PALB2: variants seen among roughly 807,000 people sequenced by gnomAD.
The protein encoded by PALB2 is mutant partner and localizer of BRCA2.
Under a neutral mutation model 107.4 loss-of-function variants are expected in PALB2, and 82 were observed. The ratio of observed to expected loss-of-function variants is 0.76; its 90% confidence interval spans 0.64 to 0.92. The LOEUF is 0.92. PALB2 is among the 40% of genes least tolerant of loss of function. The pLI, the probability that PALB2 is intolerant of heterozygous loss-of-function variation, is 0.00. For synonymous variants in PALB2, 489 were observed against 496.8 expected (o/e 0.98, Z 0.21); for missense variants, 1,374 against 1,379.9 (o/e 1.00, Z 0.07).
In PALB2 at chr16:23,630,245, G is replaced by A. The variant is rs768248338; in HGVS notation, c.1909C>T (p.Pro637Ser). ...TCTCCAAACATTTTTGACTCAAAGG[G>A]CTCCACTGGTTTTTCTGAGCAGGAC... is the stretch of plus-strand genomic sequence containing the variant. ...VKSCSEKPVE[P>S]FESKMFGERH... The change falls in exon 5 of 13, where the codon CCC becomes TCC. Residue 637 changes from proline (P) to serine (S), a missense_variant. Physicochemically the swap from Pro to Ser is moderately conservative, Grantham distance 74. Coordinates refer to ENST00000261584, the MANE Select transcript of PALB2 (RefSeq NM_024675.4). 6.2e-7 allele frequency: 1 copy of A among 1,613,938 alleles called. No homozygotes were observed. Among genetic ancestry groups the A allele is most frequent in the African/African-American group, 1.3e-5 (1 of 74,898 alleles).
chr16:23,621,889 T>C (rs1966780091), intron 9 of PALB2, among the ~76,000 whole-genome samples: 1 of 152,124 alleles, frequency 6.6e-6, no homozygotes, highest in African/African-American at 2.4e-5. Flanking sequence ...TGACCAACCC[T>C]ACCATGTTGA....
Position 23,626,295 on chromosome 16 carries a change from G to C in PALB2, c.2689C>G (p.Leu897Val), listed in dbSNP as rs761739493. 1 of 1,614,164 alleles carries C rather than the reference G, an allele frequency of 6.2e-7. No homozygotes were observed. Among genetic ancestry groups the C allele is most frequent in the Non-Finnish European group, 8.5e-7 (1 of 1,180,026 alleles). The change falls in exon 7 of 13, where the codon CTT (leucine) becomes GTT (valine). Residue 897 changes from leucine (L) to valine (V), a missense_variant. Coordinates refer to ENST00000261584, the MANE Select transcript of PALB2 (RefSeq NM_024675.4). ...TGCCAAGCATCCAGAGCTTTCCAAAGAGAAACTACATCTTCGCAAGCAGTT... is the reference window on the plus strand; with the variant it reads ...TGCCAAGCATCCAGAGCTTTCCAAACAGAAACTACATCTTCGCAAGCAGTT... ...IITACEDVVSLWKALDAWQWE... is the reference protein window; with the variant it reads ...IITACEDVVSVWKALDAWQWE...
chr16:23,623,616 C>T (rs1966816139), intron 8 of PALB2, among the ~76,000 whole-genome samples: 1 of 144,706 alleles, frequency 6.9e-6, no homozygotes, highest in East Asian at 2.1e-4. Flanking sequence ...CGGGTTCAGG[C>T]AATTCTCCTG....
At chr16:23,620,798 C>A (rs1467359060) in intron 10 of PALB2, among the ~76,000 whole-genome samples, 1 of 152,200 alleles carries the variant, frequency 6.6e-6, no homozygotes, top group Admixed American at 6.5e-5. Context: ...TCAGGCCGGG[C>A]GCAGTGGCTC....
intron 9 of PALB2, among the ~76,000 whole-genome samples, 188 bp downstream of exon 9, chr16:23,622,781 A>C (rs1263107535): frequency 1.3e-5 from 2 of 152,084 alleles, no homozygotes; most frequent in Non-Finnish European, 2.9e-5. Flanking sequence ...CTTTGACTTC[A>C]TCCCTGACAT....
In PALB2 at chr16:23,621,460, A is replaced by G; in HGVS notation, c.3015T>C (p.Phe1005=). ...GTATAGTCTCCTCAGGGGGCATCAA[A>G]AATTGGTTTTCTTTGCCTCTGTAAT... The part of the protein sequence containing the change: ...AEDGGGKENQ[F]LMPPEETILT... The change falls in exon 10 of 13, where the codon TTT becomes TTC. Residue 1005 remains phenylalanine, a synonymous_variant. Coordinates refer to ENST00000261584, the MANE Select transcript of PALB2 (RefSeq NM_024675.4). 2 of 1,613,926 alleles carry G rather than the reference A, an allele frequency of 1.2e-6. No individual in the cohort carries two copies. The highest frequency in any genetic ancestry group is 2.7e-5 in the African/African-American group (2 of 75,036).
chr16:23,632,707 T>G (rs1341898576), intron 4 of PALB2, among the ~76,000 whole-genome samples: 1 of 152,236 alleles, frequency 6.6e-6, no homozygotes, highest in Non-Finnish European at 1.5e-5. Context: ...CTTGTTCACT[T>G]AATTTAAAAT....
Position 23,635,705 on chromosome 16 carries a change from T to A in PALB2, c.841A>T (p.Ile281Phe), listed in dbSNP as rs751882053. ...AAACTTACAGGTGAAGTAAATCTAA[T>A]GTTTTTTAGGTCGTGAGTAGTAAGT... ...SELTTHDLKN[I>F]RFTSPVSLEA... Residue 281 changes from isoleucine to phenylalanine, a missense_variant, in exon 4 of 13, where the codon ATT becomes TTT. Physicochemically the swap from Ile to Phe is conservative, Grantham distance 21 (BLOSUM62 0). Coordinates refer to ENST00000261584, the MANE Select transcript of PALB2 (RefSeq NM_024675.4). The A allele has an allele frequency of 5.0e-6, 8 of 1,614,188 alleles. No individual in the cohort carries two copies. The highest frequency in any genetic ancestry group is 1.7e-5 in the Admixed American group (1 of 60,020).
chr16:23,603,705 A>C lies in PALB2; in HGVS notation c.3351-36T>G. 3.2e-6 allele frequency: 5 copies of C among 1,567,452 alleles called. 1 individual carries two copies. Among genetic ancestry groups the C allele is most frequent in the Non-Finnish European group, 4.4e-6 (5 of 1,147,566 alleles). On this transcript the variant is annotated intron_variant, in intron 12 of 12. Coordinates refer to ENST00000261584, the MANE Select transcript of PALB2 (RefSeq NM_024675.4). ...ACAAAGAAGATATAATTCAGATTAC[A>C]TATCCAAAAAACAATTAAAAAAAAA...
intron 11 of PALB2, among the ~76,000 whole-genome samples, chr16:23,610,663 CAT>C (rs1288455590): frequency 3.9e-5 from 6 of 152,086 alleles, no homozygotes; most frequent in African/African-American, 7.2e-5. Context: ...CTATCTTACA[CAT>C]GTCTGTGTGA....
chr16:23,628,786 A>C (rs935828727), intron 6 of PALB2, among the ~76,000 whole-genome samples: 4 of 151,780 alleles, frequency 2.6e-5, no homozygotes, highest in Non-Finnish European at 5.9e-5. Context: ...GGCGCCCACC[A>C]CCACGCCCGG....
At chr16:23,612,896 G>T (rs1218855532) in intron 11 of PALB2, among the ~76,000 whole-genome samples, 1 of 152,018 alleles carries the variant, frequency 6.6e-6, no homozygotes, top group African/African-American at 2.4e-5. Context: ...GGGATTACAG[G>T]CATGCGCCAC....
chr16:23,623,918 A>C, intron 8 of PALB2, 91 bp downstream of exon 8: 1 of 835,078 alleles, frequency 1.2e-6, no homozygotes, highest in Non-Finnish European at 2.0e-6. Flanking sequence ...GATTCTTTCA[A>C]GACTCAAGCC....
intron 5 of PALB2, 128 bp downstream of exon 5, chr16:23,629,512 A>G (rs1966854916): frequency 1.0e-6 from 1 of 1,000,692 alleles, no homozygotes; most frequent in Non-Finnish European, 1.5e-6. Flanking sequence ...CAATGAAATC[A>G]TATCAAAGAA....
At chr16:23,637,387 G>A (rs1259374834) in intron 3 of PALB2, among the ~76,000 whole-genome samples, 1 of 151,920 alleles carries the variant, frequency 6.6e-6, no homozygotes, top group South Asian at 2.1e-4. Flanking sequence ...TAGATTTTAC[G>A]GCATATGAAT....
At position 23,629,698 on chromosome 16, in the gene PALB2, T is replaced by C. The variant is rs587778585; in HGVS notation, c.2456A>G (p.Lys819Arg). 1.9e-6 allele frequency: 3 copies of C among 1,614,132 alleles called. No individual in the cohort carries two copies. Among genetic ancestry groups the C allele is most frequent in the East Asian group, 4.5e-5 (2 of 44,904 alleles). Residue 819 changes from lysine to arginine, a missense_variant, in exon 5 of 13, where the codon AAA (lysine) becomes AGA (arginine). Coordinates refer to ENST00000261584, the MANE Select transcript of PALB2 (RefSeq NM_024675.4). ...TPPPIESFTF[K>R]ENQLCRNTCQ... Reference sequence around the variant, plus strand: ...TGTGTTTCTACAGAGCTGATTTTCTTTAAAAGTGAATGACTCAATGGGTGG... The same window carrying C: ...TGTGTTTCTACAGAGCTGATTTTCTCTAAAAGTGAATGACTCAATGGGTGG...
rs1597079904 is a variant in PALB2 at position 23,621,457 on chromosome 16, C to A, written c.3018G>T (p.Leu1006Phe). Residue 1006 changes from leucine (L) to phenylalanine (F), a missense_variant, in exon 10 of 13, where the codon TTG becomes TTT. Leu to Phe is a conservative substitution (Grantham distance 22). Coordinates refer to ENST00000261584, the MANE Select transcript of PALB2 (RefSeq NM_024675.4). Reference sequence around the variant, plus strand: ...TTAGTATAGTCTCCTCAGGGGGCATCAAAAATTGGTTTTCTTTGCCTCTGT... The same window carrying A: ...TTAGTATAGTCTCCTCAGGGGGCATAAAAAATTGGTTTTCTTTGCCTCTGT... The part of the protein sequence containing the change: ...EDGGGKENQF[L>F]MPPEETILTF... 1 of 1,613,832 alleles carries A rather than the reference C, an allele frequency of 6.2e-7. No homozygotes were observed. Among genetic ancestry groups the A allele is most frequent in the Admixed American group, 1.7e-5 (1 of 60,000 alleles).
chr16:23,638,564 T>C (rs1567224382), intron 1 of PALB2: 1 of 457,948 alleles, frequency 2.2e-6, no homozygotes, highest in African/African-American at 2.0e-5. Context: ...CTTCTATTTA[T>C]CCGTTAATGG....
intron 4 of PALB2, 78 bp downstream of exon 4, chr16:23,634,784 G>GA (rs1408830355): frequency 1.9e-4 from 294 of 1,535,436 alleles, no homozygotes; most frequent in Non-Finnish European, 2.5e-4. Context: ...AGAAAAGAAA[G>GA]AAAAGGAAGT....
Sources: allele counts gnomAD v4.1 joint callset (sites outside exome capture counted in the v4.1 genomes callset), GRCh38; gene constraint gnomAD v4.1.1; transcripts MANE v1.5; gene names NCBI Gene and HGNC (gene_info 2026-07-23, HGNC 2026-07-21).